The following TBC1D22A variants were observed in gnomAD, a reference collection of about 807,000 sequenced individuals.
The protein encoded by TBC1D22A is TBC1 domain family member 22A, also known as putative GTPase activator.
In TBC1D22A, 38 loss-of-function variants were observed where a neutral mutation model predicts 60.2. The ratio of observed to expected loss-of-function variants is 0.63; its 90% CI spans 0.49 to 0.83. TBC1D22A has a LOEUF of 0.83. Among genes scored for constraint, TBC1D22A ranks in the 40% least tolerant of loss-of-function variants. TBC1D22A has a pLI of 0.00. For missense variants in TBC1D22A, 628 were observed against 701.0 expected, an observed-to-expected ratio of 0.90 and a Z score of 1.18; for synonymous variants, 302 against 281.7, an observed-to-expected ratio of 1.07 and a Z score of -0.72.
intron 12 of TBC1D22A, among the ~76,000 whole-genome samples, chr22:47,118,102 G>A (rs573345147): frequency 7.9e-5 from 12 of 152,176 alleles, no homozygotes; most frequent in African/African-American, 2.4e-4. Context: ...CAGCCGGGGC[G>A]ACAGAGTGAG....
At chr22:47,057,186 A>C (rs962857120) in intron 11 of TBC1D22A, among the ~76,000 whole-genome samples, 1 of 152,260 alleles carries the variant, frequency 6.6e-6, no homozygotes, top group African/African-American at 2.4e-5. Context: ...TTTCAGCCAG[A>C]ATCGCCCCTT....
At chr22:46,792,677 A>C in intron 2 of TBC1D22A, 101 bp downstream of exon 2, 1 of 1,609,012 alleles carries the variant, frequency 6.2e-7, no homozygotes, top group Non-Finnish European at 8.5e-7. Flanking sequence ...GGCATTCCTC[A>C]GGGAGGAGAC....
intron 12 of TBC1D22A, among the ~76,000 whole-genome samples, chr22:47,125,580 G>T (rs951154755): frequency 5.9e-5 from 9 of 152,268 alleles, no homozygotes; most frequent in African/African-American, 1.9e-4. Context: ...ATGATGAAAG[G>T]TTGGGAAGAT....
At chr22:46,853,705 G>A (rs1214501100) in intron 4 of TBC1D22A, among the ~76,000 whole-genome samples, 4 of 152,186 alleles carry the variant, frequency 2.6e-5, no homozygotes, top group Non-Finnish European at 4.4e-5. Flanking sequence ...AATTAATTCA[G>A]TTTTATAGAT....
intron 4 of TBC1D22A, among the ~76,000 whole-genome samples, chr22:46,855,738 G>A (rs977058273): frequency 6.6e-6 from 1 of 152,168 alleles, no homozygotes; most frequent in African/African-American, 2.4e-5. Context: ...GAGCCAGCCG[G>A]GGGGGTTGAT....
At chr22:47,157,995 G>A (rs1284310798) in intron 12 of TBC1D22A, among the ~76,000 whole-genome samples, 3 of 152,160 alleles carry the variant, frequency 2.0e-5, no homozygotes, top group African/African-American at 7.2e-5. Context: ...TGTGCTGCCC[G>A]TCACCCTCCA....
rs566711031 is a variant in TBC1D22A, at chr22:46,879,438, G to C, written c.708+715G>C. Among the ~76,000 whole-genome samples the C allele has an allele frequency of 2.0e-5, 3 of 152,130 alleles. No individual in the cohort carries two copies. The South Asian group carries it at 6.2e-4, about 32-fold the overall frequency. On this transcript the variant is annotated intron_variant, in intron 5 of 12. Coordinates refer to ENST00000337137, the MANE Select transcript of TBC1D22A (RefSeq NM_014346.5). ...TCTCTTTTCCTTTTTCATTATTTTT[G>C]GAGCTAAGTCAATAGGGAGCTCTAA...
intron 8 of TBC1D22A, among the ~76,000 whole-genome samples, chr22:46,941,707 G>A (rs1322628176): frequency 1.4e-5 from 2 of 143,110 alleles, no homozygotes; most frequent in East Asian, 2.0e-4. Flanking sequence ...TTATATATGC[G>A]GAATATATAT....
At chr22:46,956,877 G>GT (rs2073225525) in intron 8 of TBC1D22A, among the ~76,000 whole-genome samples, 2 of 152,364 alleles carry the variant, frequency 1.3e-5, no homozygotes, top group South Asian at 2.1e-4. Context: ...GGATTTACAT[G>GT]TTTTTTGTGT....
intron 11 of TBC1D22A, among the ~76,000 whole-genome samples, chr22:47,074,315 C>G (rs908893012): frequency 1.3e-5 from 2 of 152,172 alleles, no homozygotes; most frequent in African/African-American, 2.4e-5. Flanking sequence ...TCTGCAGACT[C>G]CCTTGTTTTC....
intron 10 of TBC1D22A, among the ~76,000 whole-genome samples, chr22:47,005,678 A>G (rs188863400): frequency 2.6e-4 from 40 of 151,006 alleles, no homozygotes; most frequent in African/African-American, 9.7e-4. Context: ...ATATACATAT[A>G]CACATACACA....
chr22:46,910,402 A>C (rs552935828), intron 7 of TBC1D22A, among the ~76,000 whole-genome samples: 1 of 152,014 alleles, frequency 6.6e-6, no homozygotes, highest in African/African-American at 2.4e-5. Context: ...AAGATTTAGG[A>C]TTGTAGGCAG....
intron 8 of TBC1D22A, among the ~76,000 whole-genome samples, chr22:46,949,225 G>A (rs549565806): frequency 1.3e-5 from 2 of 152,154 alleles, no homozygotes; most frequent in Non-Finnish European, 2.9e-5. Context: ...AGGTCCACCC[G>A]AATACCTGGA....
At chr22:46,941,625 A>AAT (rs1353613113) in intron 8 of TBC1D22A, among the ~76,000 whole-genome samples, 1 of 148,386 alleles carries the variant, frequency 6.7e-6, no homozygotes. Flanking sequence ...ATATATACGG[A>AAT]ATATATATAC....
chr22:46,847,034 G>C (rs996340414), intron 4 of TBC1D22A, among the ~76,000 whole-genome samples: 10 of 152,184 alleles, frequency 6.6e-5, no homozygotes, highest in African/African-American at 2.4e-4. Flanking sequence ...GCCGGGCCTT[G>C]GAGGCCATCA....
At chr22:46,878,321 GGGA>G (rs1421945707) in intron 4 of TBC1D22A, among the ~76,000 whole-genome samples, 3 of 11,750 alleles carry the variant, frequency 2.6e-4, no homozygotes, top group South Asian at 2.8e-3. Context: ...GGAGGTGGGA[GGGA>G]GAGAGAGAAG....
chr22:47,041,230 C>G (rs917415300), intron 11 of TBC1D22A, among the ~76,000 whole-genome samples: 1 of 152,238 alleles, frequency 6.6e-6, no homozygotes, highest in Non-Finnish European at 1.5e-5. Context: ...ACTTCTACCA[C>G]CCATATCCCA....
At chr22:46,945,838 C>T (rs997863741) in intron 8 of TBC1D22A, among the ~76,000 whole-genome samples, 15 of 152,188 alleles carry the variant, frequency 9.9e-5, no homozygotes, top group South Asian at 2.1e-4. Flanking sequence ...AACTCATCCA[C>T]GGCCCACAGC....
At position 46,953,075 on chromosome 22, in the gene TBC1D22A, G is replaced by C. The variant is rs530836072; in HGVS notation, c.1016-21215G>C. ...TGTGTGCAGCCCACACTGAACGGGT[G>C]GGGGTCATACTTCACTTCCTTGAGG... On this transcript the variant is annotated intron_variant, in intron 8 of 12. Coordinates refer to ENST00000337137, the MANE Select transcript of TBC1D22A (RefSeq NM_014346.5). Among the ~76,000 whole-genome samples, 3 of 152,174 alleles carry C rather than the reference G, an allele frequency of 2.0e-5. No homozygotes were observed. The South Asian group carries it at 6.2e-4, about 32-fold the overall frequency.
Sources: gnomAD v4.1 joint callset for allele counts (sites outside exome capture counted in the v4.1 genomes callset) on GRCh38, gnomAD v4.1.1 for gene constraint, MANE v1.5 for transcripts, NCBI Gene and HGNC (gene_info 2026-07-23, HGNC 2026-07-21) for gene names.